The following RPS6KC1 variants were observed in gnomAD, a reference collection of about 807,000 sequenced individuals.
The protein encoded by RPS6KC1 is ribosomal protein S6 kinase C1.
Under a neutral mutation model 103.8 loss-of-function variants are expected in RPS6KC1, and 54 were observed. The ratio of observed to expected loss-of-function variants is 0.52; its 90% CI spans 0.42 to 0.65. RPS6KC1 has a LOEUF of 0.65. Ranked by LOEUF, RPS6KC1 falls within the 30% of genes least tolerant of loss-of-function variation. RPS6KC1 has a pLI of 0.00. For missense variants in RPS6KC1, 1,151 were observed against 1,253.8 expected (o/e 0.92, Z 1.24); for synonymous variants, 439 against 438.7 (o/e 1.00, Z -0.01).
the RPS6KC1 span, among the ~76,000 whole-genome samples, chr1:213,453,657 T>C: frequency 2.6e-5 from 4 of 152,118 alleles, no homozygotes; most frequent in Non-Finnish European, 5.9e-5. Context: ...AAGGGTCTTG[T>C]AGAAATGGTA....
the RPS6KC1 span, among the ~76,000 whole-genome samples, chr1:213,817,284 C>CGGT: frequency 5.3e-5 from 8 of 152,220 alleles, no homozygotes; most frequent in Non-Finnish European, 1.2e-4. Flanking sequence ...ACCTCCCTGA[C>CGGT]CATTCAGGAG....
At chr1:213,563,848 AAATT>A in the RPS6KC1 span, among the ~76,000 whole-genome samples, 1 of 152,008 alleles carries the variant, frequency 6.6e-6, no homozygotes, top group Admixed American at 6.5e-5. Context: ...TTTATACGCT[AAATT>A]AATTATTATT....
chr1:213,200,898 T>A (rs1352581034), intron 8 of RPS6KC1, among the ~76,000 whole-genome samples: 1 of 152,126 alleles, frequency 6.6e-6, no homozygotes, highest in Non-Finnish European at 1.5e-5. Flanking sequence ...ATGTTCCTAC[T>A]TACAAGTGGG....
At chr1:213,825,715 G>A in the RPS6KC1 span, among the ~76,000 whole-genome samples, 4 of 152,184 alleles carry the variant, frequency 2.6e-5, no homozygotes, top group Admixed American at 2.6e-4. Context: ...GTGGGTATCA[G>A]TCTCCTCATC....
At chr1:213,339,923 G>T in the RPS6KC1 span, among the ~76,000 whole-genome samples, 1 of 151,880 alleles carries the variant, frequency 6.6e-6, no homozygotes, top group Admixed American at 6.6e-5. Flanking sequence ...ACGGAGTCTT[G>T]CTCTGTCGCC....
At chr1:213,289,253 CAAAA>C in the RPS6KC1 span, among the ~76,000 whole-genome samples, 15 of 77,100 alleles carry the variant, frequency 1.9e-4, no homozygotes, top group Admixed American at 1.0e-3. Flanking sequence ...GTTGGATGCT[CAAAA>C]AAAAAAAAAA....
chr1:213,598,238 A>G, the RPS6KC1 span, among the ~76,000 whole-genome samples: 7 of 152,156 alleles, frequency 4.6e-5, no homozygotes, highest in African/African-American at 1.7e-4. Context: ...AAGAAGTCAC[A>G]CTCTCCAACA....
chr1:213,283,313 G>C, the RPS6KC1 span, among the ~76,000 whole-genome samples: 2 of 152,260 alleles, frequency 1.3e-5, no homozygotes, highest in South Asian at 4.1e-4. Flanking sequence ...GTAGCATACT[G>C]CCCACATAAT....
chr1:213,132,950 CTTAT>C (rs1206098965), intron 6 of RPS6KC1, among the ~76,000 whole-genome samples: 1 of 152,106 alleles, frequency 6.6e-6, no homozygotes, highest in Non-Finnish European at 1.5e-5. Flanking sequence ...TGATGTTTTT[CTTAT>C]TTAACTGGTA....
chr1:213,654,820 T>G, the RPS6KC1 span, among the ~76,000 whole-genome samples: 3 of 152,182 alleles, frequency 2.0e-5, no homozygotes, highest in Non-Finnish European at 2.9e-5. Context: ...CATAAATATT[T>G]AGGTATTGGA....
the RPS6KC1 span, among the ~76,000 whole-genome samples, chr1:213,701,354 T>C: frequency 2.0e-5 from 3 of 152,108 alleles, no homozygotes; most frequent in African/African-American, 7.2e-5. Context: ...ATGCATCACA[T>C]TGATTGATTT....
At chr1:213,845,638 A>C in the RPS6KC1 span, among the ~76,000 whole-genome samples, 1 of 152,182 alleles carries the variant, frequency 6.6e-6, no homozygotes, top group African/African-American at 2.4e-5. Flanking sequence ...GAAGGACATT[A>C]TATTAGCAAC....
At chr1:213,778,920 T>C in the RPS6KC1 span, among the ~76,000 whole-genome samples, 12,828 of 152,116 alleles carry the variant, frequency 0.084, 1,308 homozygotes, top group East Asian at 0.55. Flanking sequence ...TCTGACACTT[T>C]GTTAAGGGCT....
At chr1:213,055,329 T>C (rs978428812) in intron 1 of RPS6KC1, among the ~76,000 whole-genome samples, 7 of 152,232 alleles carry the variant, frequency 4.6e-5, no homozygotes, top group African/African-American at 1.7e-4. Context: ...ATGCACTTTT[T>C]TTTTTTGGTC....
At chr1:213,635,011 A>G in the RPS6KC1 span, among the ~76,000 whole-genome samples, 1 of 152,194 alleles carries the variant, frequency 6.6e-6, no homozygotes, top group Non-Finnish European at 1.5e-5. Context: ...CAAATAAACT[A>G]GAAAATCTAG....
intron 14 of RPS6KC1, among the ~76,000 whole-genome samples, chr1:213,270,072 T>C (rs951784338): frequency 1.3e-5 from 2 of 152,064 alleles, no homozygotes; most frequent in African/African-American, 2.4e-5. Flanking sequence ...AAACTGTGCA[T>C]AAAAAGGCAA....
the RPS6KC1 span, among the ~76,000 whole-genome samples, chr1:213,617,683 C>T: frequency 6.6e-6 from 1 of 152,162 alleles, no homozygotes; most frequent in Non-Finnish European, 1.5e-5. Flanking sequence ...CTACTGACTC[C>T]CTTTCCCATA....
At chr1:213,740,037 G>C in the RPS6KC1 span, among the ~76,000 whole-genome samples, 2 of 152,032 alleles carry the variant, frequency 1.3e-5, no homozygotes, top group Non-Finnish European at 2.9e-5. Flanking sequence ...AGAAATGAGG[G>C]TAATTAATAG....
the RPS6KC1 span, among the ~76,000 whole-genome samples, chr1:213,508,947 T>C: frequency 6.6e-6 from 1 of 152,182 alleles, no homozygotes; most frequent in Non-Finnish European, 1.5e-5. Flanking sequence ...GAGTACATAG[T>C]AGAACCTCCC....
Sources: allele counts gnomAD v4.1 joint callset (sites outside exome capture counted in the v4.1 genomes callset), GRCh38; gene constraint gnomAD v4.1.1; transcripts MANE v1.5; gene names NCBI Gene and HGNC (gene_info 2026-07-23, HGNC 2026-07-21).